IRAK1BP1: variants seen among roughly 807,000 people sequenced by gnomAD.
IRAK1BP1 encodes the protein interleukin-1 receptor-associated kinase 1-binding protein 1.
A neutral mutation model predicts 28.0 loss-of-function variants in IRAK1BP1; 24 were observed. That is an observed-to-expected ratio of 0.86 (90% CI 0.62 to 1.20). IRAK1BP1 has a LOEUF of 1.20. Among genes scored for constraint, IRAK1BP1 ranks in the 50% most tolerant of loss-of-function variants. The pLI is 0.00. For synonymous variants in IRAK1BP1, 131 were observed against 116.3 expected (o/e 1.13, Z -0.81); for missense variants, 336 against 316.7 (o/e 1.06, Z -0.46).
At chr6:78,967,925 G>A in the IRAK1BP1 span, among the ~76,000 whole-genome samples, 1 of 151,898 alleles carries the variant, frequency 6.6e-6, no homozygotes, top group Non-Finnish European at 1.5e-5. Flanking sequence ...ACAAGGTCAG[G>A]AGATCAAGAC....
exon 5 of IRAK1BP1, chr6:78,945,992 G>A (rs1370955102): frequency 6.3e-7 from 1 of 1,587,236 alleles, no homozygotes; most frequent in Admixed American, 1.7e-5. Flanking sequence ...TTTAGAAAGT[G>A]AGTCTTACTT....
chr6:78,948,791 GC>G (rs1305341025), downstream of IRAK1BP1, among the ~76,000 whole-genome samples: 1 of 152,166 alleles, frequency 6.6e-6, no homozygotes, highest in Non-Finnish European at 1.5e-5. Flanking sequence ...ACCACACCTG[GC>G]CTGCAGCTTT....
intron 4 of IRAK1BP1, among the ~76,000 whole-genome samples, chr6:78,908,262 A>G: frequency 6.6e-6 from 1 of 151,966 alleles, no homozygotes; most frequent in East Asian, 1.9e-4. Context: ...CATATTGGTC[A>G]GGATGGTCTT....
intron 4 of IRAK1BP1, among the ~76,000 whole-genome samples, chr6:78,927,900 T>C (rs1302150432): frequency 6.6e-6 from 1 of 152,188 alleles, no homozygotes; most frequent in Non-Finnish European, 1.5e-5. Context: ...TATGTGTGTC[T>C]GTTTTTATGC....
At chr6:78,879,296 G>C (rs993905041) in intron 1 of IRAK1BP1, among the ~76,000 whole-genome samples, 1 of 151,944 alleles carries the variant, frequency 6.6e-6, no homozygotes, top group Admixed American at 6.6e-5. Context: ...ACATGTATAC[G>C]TATGTAACAA....
chr6:78,878,330 C>T (rs1771088360), intron 1 of IRAK1BP1, among the ~76,000 whole-genome samples: 3 of 152,196 alleles, frequency 2.0e-5, no homozygotes, highest in Non-Finnish European at 4.4e-5. Context: ...GCAACGTTTG[C>T]TGTTCTGCAG....
At chr6:78,939,544 GAA>G (rs1254023610) in intron 4 of IRAK1BP1, 2 of 151,626 alleles carry the variant, frequency 1.3e-5, no homozygotes, top group Non-Finnish European at 3.0e-5. Context: ...AAAAAATCCT[GAA>G]AAAAGAATTT....
chr6:78,910,919 T>C (rs1243044948), intron 4 of IRAK1BP1, among the ~76,000 whole-genome samples: 1 of 152,252 alleles, frequency 6.6e-6, no homozygotes, highest in East Asian at 1.9e-4. Context: ...TGCAGGGGTC[T>C]GAACCGCTCC....
rs182412148 is a variant in IRAK1BP1 at position 78,916,423 on chromosome 6, C to G, written c.*67+13313C>G. On this transcript the variant is annotated intron_variant and NMD_transcript_variant, in intron 4 of 4. Transcript: ENST00000606868. ...TATTATAATCCATATGTAGAAGTCA[C>G]TCATCAATCCAGTCAACTAATTTGG... 1.5e-3 allele frequency among the ~76,000 whole-genome samples: 228 copies of G among 152,178 alleles called. 1 individual carries two copies. The highest frequency in any genetic ancestry group is 3.9e-3 in the Admixed American group (59 of 15,292).
chr6:78,958,550 C>T, the IRAK1BP1 span: 3 of 1,579,080 alleles, frequency 1.9e-6, no homozygotes, highest in Admixed American at 1.7e-5. Flanking sequence ...ATTAAATGTT[C>T]GTGTATTATG....
At chr6:78,945,746 A>C in exon 5 of IRAK1BP1, 2 of 600,918 alleles carry the variant, frequency 3.3e-6, no homozygotes, top group Non-Finnish European at 5.8e-6. Context: ...ATTGCTAGCT[A>C]GTGTGGGTAC....
chr6:78,935,512 A>G, intron 4 of IRAK1BP1: 1 of 978,868 alleles, frequency 1.0e-6, no homozygotes, highest in Non-Finnish European at 1.2e-6. Context: ...ACTGAAATGT[A>G]TCTCTTACGA....
chr6:78,936,565 T>C (rs1773277725), intron 4 of IRAK1BP1: 1 of 151,922 alleles, frequency 6.6e-6, no homozygotes, highest in African/African-American at 2.4e-5. Flanking sequence ...AGCCATGCAC[T>C]AAGTATTTGG....
intron 1 of IRAK1BP1, among the ~76,000 whole-genome samples, chr6:78,883,285 A>G (rs557669128): frequency 2.6e-5 from 4 of 152,286 alleles, no homozygotes; most frequent in East Asian, 3.9e-4. Context: ...CAAAATGTAG[A>G]ATATAATTTT....
rs1216453321 is a variant in IRAK1BP1 at position 78,883,110 on chromosome 6, A to T, written c.316-2268A>T. On this transcript the variant is annotated intron_variant, in intron 1 of 3. Coordinates refer to ENST00000369940, the MANE Select transcript of IRAK1BP1 (RefSeq NM_001010844.4). ...TATCTCTACAAAAATTTTTTTAGAA[A>T]ATCTGGGCATGGTGGTATGTGCCTG... Among the ~76,000 whole-genome samples the T allele has an allele frequency of 2.0e-5, 3 of 152,022 alleles. No homozygotes were observed. The East Asian group carries it at 5.8e-4, about 29-fold the overall frequency.
chr6:78,945,723 C>T, exon 5 of IRAK1BP1: 1 of 599,372 alleles, frequency 1.7e-6, no homozygotes, highest in Non-Finnish European at 2.9e-6. Context: ...ATTTCGAAGG[C>T]AAGTCTTGGC....
chr6:78,890,319 A>G (rs1771600352), intron 2 of IRAK1BP1, among the ~76,000 whole-genome samples: 1 of 152,002 alleles, frequency 6.6e-6, no homozygotes, highest in South Asian at 2.1e-4. Flanking sequence ...TACCTAATGT[A>G]GATGACAGGT....
chr6:78,872,855 C>G (rs905382915), intron 1 of IRAK1BP1, among the ~76,000 whole-genome samples: 6 of 152,206 alleles, frequency 3.9e-5, no homozygotes, highest in Non-Finnish European at 8.8e-5. Context: ...TCTTTTTTAT[C>G]ATTTGAACTT....
chr6:78,902,961 C>A lies in IRAK1BP1; in HGVS notation c.*4627C>A. The stretch of plus-strand genomic sequence containing the variant: ...ATTAAAACAATAAAACTCTTATAAA[C>A]CTGTTTATCAGAAGGATATTTCTGT... On this transcript the variant is annotated 3_prime_UTR_variant, in exon 4 of 4. Coordinates refer to ENST00000369940, the MANE Select transcript of IRAK1BP1 (RefSeq NM_001010844.4). 8.9e-7 allele frequency: 1 copy of A among 1,123,416 alleles called. No individual in the cohort carries two copies. The highest frequency in any genetic ancestry group is 1.3e-5 in the South Asian group (1 of 74,514). The allele number at this position is 1,123,416 out of a possible 1,614,324, so 69.6% of individuals were successfully genotyped here. A position where few individuals can be genotyped will look rare whatever the true frequency, so the allele number is the denominator to read the frequency against.
Sources: allele counts gnomAD v4.1 joint callset (sites outside exome capture counted in the v4.1 genomes callset), GRCh38; gene constraint gnomAD v4.1.1; transcripts MANE v1.5; gene names NCBI Gene and HGNC (gene_info 2026-07-23, HGNC 2026-07-21).